ABCA13: variants seen among roughly 807,000 people sequenced by gnomAD.
ABCA13 encodes the protein ATP binding cassette subfamily A member 13, also known as ATP-binding cassette sub-family A member 13.
Under a neutral mutation model 478.7 loss-of-function variants are expected in ABCA13, and 476 were observed. The observed-to-expected ratio is 0.99, with a 90% CI of 0.92 to 1.07. The LOEUF is 1.07. Ranked by LOEUF, ABCA13 falls within the 50% of genes least tolerant of loss-of-function variation. ABCA13 has a pLI of 0.00. For synonymous variants in ABCA13, 2,252 were observed against 2,158.9 expected (o/e 1.04, Z -1.20); for missense variants, 6,060 against 5,910.6 (o/e 1.03, Z -0.83).
At chr7:48,308,597 A>AT (rs1393416073) in intron 23 of ABCA13, among the ~76,000 whole-genome samples, 2 of 151,882 alleles carry the variant, frequency 1.3e-5, no homozygotes, top group Non-Finnish European at 2.9e-5. Flanking sequence ...GAAGATAGGA[A>AT]TTTTTTCATC....
chr7:48,475,205 G>A (rs997850873), intron 45 of ABCA13, among the ~76,000 whole-genome samples: 4 of 152,092 alleles, frequency 2.6e-5, no homozygotes, highest in African/African-American at 9.7e-5. Context: ...AGAACCTCAG[G>A]AGACAGGGAG....
rs1457797746 is a variant in ABCA13, at chr7:48,279,717, A to G, written c.8523A>G (p.Thr2841=). ...ACAACTCTGAATGGATAACTTCCAC[A>G]AGAACTTTGTTTCAGCCACTTTTTG... The part of the protein sequence containing the change: ...LFNNSEWITS[T]RTLFQPLFEI... Residue 2841 remains threonine (T), a synonymous_variant, in exon 18 of 62, where the codon ACA becomes ACG. Coordinates refer to ENST00000435803, the MANE Select transcript of ABCA13 (RefSeq NM_152701.5). 2 of 1,613,634 alleles carry G rather than the reference A, an allele frequency of 1.2e-6. No individual in the cohort carries two copies. Among genetic ancestry groups the G allele is most frequent in the East Asian group, 4.5e-5 (2 of 44,802 alleles).
chr7:48,381,998 T>G (rs1238695720), intron 35 of ABCA13, among the ~76,000 whole-genome samples: 1 of 152,180 alleles, frequency 6.6e-6, no homozygotes, highest in Non-Finnish European at 1.5e-5. Context: ...GTAGATTAAT[T>G]AGGGGGTTTT....
At chr7:48,234,292 G>T (rs369105204) in intron 8 of ABCA13, 141 bp downstream of exon 8, 5 of 1,066,728 alleles carry the variant, frequency 4.7e-6, no homozygotes, top group South Asian at 3.8e-5. Flanking sequence ...AGCTCCTTAC[G>T]CAGAAGAGAC....
intron 20 of ABCA13, among the ~76,000 whole-genome samples, chr7:48,292,008 C>G (rs1467616512): frequency 6.6e-6 from 1 of 152,190 alleles, no homozygotes; most frequent in African/African-American, 2.4e-5. Flanking sequence ...CCTTTCTGTT[C>G]TCAGTCTGTG....
At position 48,387,842 on chromosome 7, in the gene ABCA13, C is replaced by G; in HGVS notation, c.11356C>G (p.Pro3786Ala). Residue 3786 changes from proline to alanine, a missense_variant, in exon 36 of 62, where the codon CCA (proline) becomes GCA (alanine). Physicochemically the swap from Pro to Ala is conservative, Grantham distance 27. This residue lies in a region of ABCA13 where 1,627 missense variants were observed against 1,571.0 expected (regional missense o/e 1.04). Transcript: ENST00000435803. ...LIPGTFGLRK[P>A]WYFPFTASYW... Reference sequence around the variant, plus strand: ...TTTAGGAACATTTGGTTTACGGAAACCATGGTATTTCCCCTTTACTGCCTC... The same window carrying G: ...TTTAGGAACATTTGGTTTACGGAAAGCATGGTATTTCCCCTTTACTGCCTC... 6.3e-7 allele frequency: 1 copy of G among 1,588,604 alleles called. No individual in the cohort carries two copies. The highest frequency in any genetic ancestry group is 1.2e-5 in the South Asian group (1 of 85,504).
intron 58 of ABCA13, among the ~76,000 whole-genome samples, chr7:48,601,755 G>A (rs542743642): frequency 2.6e-5 from 4 of 152,246 alleles, no homozygotes; most frequent in African/African-American, 9.6e-5. Flanking sequence ...GGATTGCTGG[G>A]TCAAATGGTA....
intron 61 of ABCA13, among the ~76,000 whole-genome samples, chr7:48,645,063 G>A (rs557295775): frequency 6.6e-6 from 1 of 152,016 alleles, no homozygotes; most frequent in South Asian, 2.1e-4. Context: ...TTTTCGGGGG[G>A]GCTTCACTGT....
chr7:48,506,200 G>T, intron 48 of ABCA13, 136 bp from the exon 49 acceptor site: 3 of 838,922 alleles, frequency 3.6e-6, no homozygotes, highest in African/African-American at 3.5e-5. Flanking sequence ...ATTTTTTTCT[G>T]CTAATTGACC....
chr7:48,188,415 C>T (rs550717129), intron 1 of ABCA13, among the ~76,000 whole-genome samples: 1 of 152,234 alleles, frequency 6.6e-6, no homozygotes, highest in South Asian at 2.1e-4. Context: ...GATAAGGAGA[C>T]TCCTTTGGGT....
rs772691681 is a variant in ABCA13, at chr7:48,241,074, G to T, written c.1262+8G>T. Reference sequence around the variant, plus strand: ...TCATACATTTCCAAAGATGTAAGTCGCATTTCCCTGTTTGATTATTGATTA... The same window carrying T: ...TCATACATTTCCAAAGATGTAAGTCTCATTTCCCTGTTTGATTATTGATTA... On this transcript the variant is annotated splice_region_variant and intron_variant, in intron 10 of 61. Coordinates refer to ENST00000435803, the MANE Select transcript of ABCA13 (RefSeq NM_152701.5). 3 of 1,613,720 alleles carry T rather than the reference G, an allele frequency of 1.9e-6. No individual in the cohort carries two copies. The highest frequency in any genetic ancestry group is 4.5e-5 in the East Asian group (2 of 44,888).
chr7:48,281,527 G>T (rs1797035926), intron 19 of ABCA13, 75 bp downstream of exon 19: 4 of 1,284,492 alleles, frequency 3.1e-6, no homozygotes, highest in Non-Finnish European at 4.4e-6. Context: ...AGAGAGATGA[G>T]TATATTGCAC....
At chr7:48,432,300 T>C (rs533634749) in intron 42 of ABCA13, among the ~76,000 whole-genome samples, 1 of 152,128 alleles carries the variant, frequency 6.6e-6, no homozygotes, top group East Asian at 1.9e-4. Context: ...GAATAATTAA[T>C]ATTAAAAAGA....
Position 48,511,171 on chromosome 7 carries a change from GC to G in ABCA13, c.13614del (p.Thr4539ArgfsTer18). 1 of 1,613,242 alleles carries G rather than the reference GC, an allele frequency of 6.2e-7. No homozygotes were observed. Among genetic ancestry groups the G allele is most frequent in the South Asian group, 1.1e-5 (1 of 90,934 alleles). ...TAFTFRKNLA[A>X]TALLLSLFGY... ...TTTTACTTTCCGCAAGAACTTGGCA[GC>G]CACGGCCCTCCTGCTGTCACTTTTC... On this transcript the variant is annotated frameshift_variant, in exon 51 of 62. Coordinates refer to ENST00000435803, the MANE Select transcript of ABCA13 (RefSeq NM_152701.5). LOFTEE classifies it high-confidence loss of function.
At chr7:48,313,291 C>T in intron 25 of ABCA13, 60 bp downstream of exon 25, 2 of 1,498,462 alleles carry the variant, frequency 1.3e-6, no homozygotes, top group Admixed American at 2.2e-5. Context: ...TTTGTATTTG[C>T]CCCTTTTTGC....
intron 23 of ABCA13, among the ~76,000 whole-genome samples, chr7:48,307,617 T>A (rs1052706362): frequency 3.3e-5 from 5 of 152,094 alleles, no homozygotes; most frequent in Admixed American, 2.6e-4. Flanking sequence ...TAAAAAAAAA[T>A]TTCTTTCTTC....
In ABCA13 at chr7:48,279,515, C is replaced by T. The variant is rs1027627297; in HGVS notation, c.8321C>T (p.Thr2774Ile). 2 of 1,613,274 alleles carry T rather than the reference C, an allele frequency of 1.2e-6. No homozygotes were observed. Among genetic ancestry groups the T allele is most frequent in the Admixed American group, 3.3e-5 (2 of 59,952 alleles). ...CAGCATCCAAATAACCTTTTGAAAA[C>T]CATAGAAACAGTTTTAGAGGCCTCC... ...FTQHPNNLLK[T>I]IETVLEASSG... The change falls in exon 18 of 62, where the codon ACC (threonine) becomes ATC (isoleucine). Residue 2774 changes from threonine to isoleucine, a missense_variant. Thr to Ile is a moderately conservative substitution (Grantham distance 89). Transcript: ENST00000435803.
At chr7:48,312,069 A>G (rs1801862493) in intron 24 of ABCA13, among the ~76,000 whole-genome samples, 1 of 152,328 alleles carries the variant, frequency 6.6e-6, no homozygotes, top group East Asian at 1.9e-4. Context: ...AGTTGTCTCT[A>G]TAGTATGAAT....
intron 58 of ABCA13, among the ~76,000 whole-genome samples, chr7:48,614,734 AG>A (rs1454373614): frequency 4.0e-5 from 6 of 150,394 alleles, no homozygotes; most frequent in Non-Finnish European, 8.9e-5. Context: ...TGTCCTTTGT[AG>A]GGACATGGAT....
Sources: allele counts gnomAD v4.1 joint callset (sites outside exome capture counted in the v4.1 genomes callset), GRCh38; gene constraint gnomAD v4.1.1; regional missense constraint gnomAD v4.1.1; transcripts MANE v1.5; gene names NCBI Gene and HGNC (gene_info 2026-07-23, HGNC 2026-07-21).